Variants in GRM8 observed in about 807,000 individuals in gnomAD.
GRM8 encodes the protein metabotropic glutamate receptor 8.
Under a neutral mutation model 87.2 loss-of-function variants are expected in GRM8, and 47 were observed. The ratio of observed to expected loss-of-function variants is 0.54; its 90% CI spans 0.43 to 0.69. The LOEUF is 0.69. Among genes scored for constraint, GRM8 ranks in the 30% least tolerant of loss-of-function variants. GRM8 has a pLI of 0.00. For synonymous variants in GRM8, 396 were observed against 404.5 expected (o/e 0.98, Z 0.25); for missense variants, 1,019 against 1,139.2 (o/e 0.89, Z 1.52).
In GRM8 at chr7:126,550,445, C is replaced by T. The variant is rs554350883; in HGVS notation, c.1495-16558G>A. ...ATTTTTAAAAATGAATCATAAATTTCTTAATAGATTAAAAGTTTTTTTAAA... is the reference window on the plus strand; with the variant it reads ...ATTTTTAAAAATGAATCATAAATTTTTTAATAGATTAAAAGTTTTTTTAAA... On this transcript the variant is annotated intron_variant, in intron 8 of 10. Coordinates refer to ENST00000339582, the MANE Select transcript of GRM8 (RefSeq NM_000845.3). Among the ~76,000 whole-genome samples, 5 of 152,238 alleles carry T rather than the reference C, an allele frequency of 3.3e-5. No individual in the cohort carries two copies. The East Asian group carries it at 9.6e-4, about 29-fold the overall frequency.
At chr7:127,041,304 C>CT (rs765721552) in intron 3 of GRM8, among the ~76,000 whole-genome samples, 23 of 152,146 alleles carry the variant, frequency 1.5e-4, no homozygotes, top group Non-Finnish European at 2.5e-4. Flanking sequence ...ATTTTACTTC[C>CT]TTTACAATGC....
chr7:127,201,958 G>A (rs1051293780), intron 2 of GRM8, among the ~76,000 whole-genome samples: 6 of 152,124 alleles, frequency 3.9e-5, no homozygotes, highest in African/African-American at 1.4e-4. Flanking sequence ...ACCCACCTAT[G>A]AACCATTGGA....
intron 7 of GRM8, among the ~76,000 whole-genome samples, chr7:126,718,028 C>T (rs933614424): frequency 2.0e-5 from 3 of 151,760 alleles, no homozygotes; most frequent in East Asian, 1.9e-4. Context: ...GTCAGGAGAT[C>T]GAGACCACCC....
At chr7:127,019,678 A>G (rs1391463089) in intron 3 of GRM8, among the ~76,000 whole-genome samples, 3 of 152,094 alleles carry the variant, frequency 2.0e-5, no homozygotes, top group African/African-American at 7.2e-5. Context: ...AACATTGTCC[A>G]TTGCCGCACA....
At chr7:127,145,802 G>A (rs2299542) in intron 2 of GRM8, among the ~76,000 whole-genome samples, 99,785 of 151,884 alleles carry the variant, frequency 0.66, 34,179 homozygotes, top group African/African-American at 0.82. Flanking sequence ...GAACAAAAAC[G>A]CAAATAAGTT....
chr7:126,975,721 A>G (rs1032942205), intron 3 of GRM8, among the ~76,000 whole-genome samples: 28 of 152,196 alleles, frequency 1.8e-4, no homozygotes, highest in African/African-American at 6.0e-4. Context: ...AATAACTTCA[A>G]TAATTATCTC....
intron 3 of GRM8, among the ~76,000 whole-genome samples, chr7:127,006,501 C>T (rs1459848919): frequency 6.6e-6 from 1 of 152,054 alleles, no homozygotes; most frequent in Non-Finnish European, 1.5e-5. Flanking sequence ...AATCAGACGT[C>T]TGTCTCCACT....
chr7:126,991,263 T>C (rs1195704866), intron 3 of GRM8, among the ~76,000 whole-genome samples: 1 of 152,130 alleles, frequency 6.6e-6, no homozygotes. Flanking sequence ...TCATTTCTCT[T>C]TAATCATTGA....
At chr7:127,235,106 T>C (rs1230840723) in intron 2 of GRM8, among the ~76,000 whole-genome samples, 1 of 152,214 alleles carries the variant, frequency 6.6e-6, no homozygotes, top group Admixed American at 6.5e-5. Context: ...CAAACCATTC[T>C]TATGGAAAGA....
chr7:126,725,445 T>A (rs1812854602), intron 7 of GRM8, among the ~76,000 whole-genome samples: 1 of 152,084 alleles, frequency 6.6e-6, no homozygotes, highest in South Asian at 2.1e-4. Context: ...ATAGTAAGGC[T>A]AAAAGTGGAA....
intron 8 of GRM8, among the ~76,000 whole-genome samples, chr7:126,595,256 G>T: frequency 6.6e-6 from 1 of 151,622 alleles, no homozygotes; most frequent in East Asian, 1.9e-4. Context: ...TTTTGAGAAA[G>T]GATCTCACTG....
At chr7:126,845,496 C>T (rs1338612921) in intron 6 of GRM8, among the ~76,000 whole-genome samples, 1 of 152,136 alleles carries the variant, frequency 6.6e-6, no homozygotes, top group Admixed American at 6.5e-5. Context: ...TTCCATCTCA[C>T]AATCTGCACA....
chr7:126,831,321 G>T (rs1464409331), intron 6 of GRM8, among the ~76,000 whole-genome samples: 1 of 152,232 alleles, frequency 6.6e-6, no homozygotes, highest in Non-Finnish European at 1.5e-5. Flanking sequence ...GCCTACAGAG[G>T]CAGGCAGGCC....
At chr7:126,841,160 G>C (rs1304914618) in intron 6 of GRM8, among the ~76,000 whole-genome samples, 8 of 152,188 alleles carry the variant, frequency 5.3e-5, no homozygotes, top group Admixed American at 4.6e-4. Flanking sequence ...AAATTTTGTG[G>C]CTTATAATAA....
At chr7:126,570,887 A>C (rs1287532516) in intron 8 of GRM8, among the ~76,000 whole-genome samples, 1 of 152,230 alleles carries the variant, frequency 6.6e-6, no homozygotes, top group Non-Finnish European at 1.5e-5. Flanking sequence ...TTTTCAGAAC[A>C]TATATTCAGA....
At chr7:126,603,741 A>T (rs1798061715) in intron 8 of GRM8, among the ~76,000 whole-genome samples, 1 of 152,084 alleles carries the variant, frequency 6.6e-6, no homozygotes, top group African/African-American at 2.4e-5. Flanking sequence ...ATATATATGT[A>T]TGTATGTATG....
chr7:127,078,551 T>G (rs1009857868), intron 3 of GRM8, among the ~76,000 whole-genome samples: 1 of 152,232 alleles, frequency 6.6e-6, no homozygotes, highest in African/African-American at 2.4e-5. Context: ...GACTATATGA[T>G]GATGCACGGT....
intron 8 of GRM8, among the ~76,000 whole-genome samples, chr7:126,549,352 G>A (rs1184139518): frequency 6.6e-6 from 1 of 151,918 alleles, no homozygotes; most frequent in African/African-American, 2.4e-5. Context: ...TATTTTGGTG[G>A]GGAATTACAA....
intron 7 of GRM8, among the ~76,000 whole-genome samples, chr7:126,666,331 T>A: frequency 6.6e-6 from 1 of 152,134 alleles, no homozygotes; most frequent in Non-Finnish European, 1.5e-5. Context: ...AGAGTCAGGA[T>A]CCAAAATTAT....
Sources: gnomAD v4.1 joint callset for allele counts (sites outside exome capture counted in the v4.1 genomes callset) on GRCh38, gnomAD v4.1.1 for gene constraint, MANE v1.5 for transcripts, NCBI Gene and HGNC (gene_info 2026-07-23, HGNC 2026-07-21) for gene names.